ADAMTSL1: variants seen among roughly 807,000 people sequenced by gnomAD.
The protein encoded by ADAMTSL1 is ADAMTS like 1.
A neutral mutation model predicts 201.8 loss-of-function variants in ADAMTSL1; 126 were observed. The ratio of observed to expected loss-of-function variants is 0.62; its 90% CI spans 0.54 to 0.72. The LOEUF (loss-of-function observed/expected upper bound fraction) is 0.72. ADAMTSL1 is among the 30% of genes least tolerant of loss of function. The pLI is 0.00. For missense variants in ADAMTSL1, 2,679 were observed against 2,277.8 expected (o/e 1.18, Z -3.59); for synonymous variants, 1,121 against 903.4 (o/e 1.24, Z -4.32).
chr9:18,237,789 T>A (rs1481067449), intron 2 of ADAMTSL1, among the ~76,000 whole-genome samples: 1 of 152,250 alleles, frequency 6.6e-6, no homozygotes, highest in African/African-American at 2.4e-5. Context: ...AATTGTACAC[T>A]GTTTTCTTCC....
chr9:17,957,789 G>C (rs991245425), intron 1 of ADAMTSL1, among the ~76,000 whole-genome samples: 2 of 152,130 alleles, frequency 1.3e-5, no homozygotes, highest in Non-Finnish European at 1.5e-5. Context: ...TGTGAAAATG[G>C]AGGTGGAGAT....
chr9:18,065,514 T>G (rs1822654653), intron 1 of ADAMTSL1, among the ~76,000 whole-genome samples: 1 of 152,206 alleles, frequency 6.6e-6, no homozygotes, highest in Non-Finnish European at 1.5e-5. Context: ...AAAGTGAACT[T>G]TATATCACCA....
chr9:18,018,892 C>T (rs1390701426), intron 1 of ADAMTSL1, among the ~76,000 whole-genome samples: 1 of 151,890 alleles, frequency 6.6e-6, no homozygotes, highest in South Asian at 2.1e-4. Context: ...GGGAGCATTG[C>T]CATAACAAAT....
intron 1 of ADAMTSL1, among the ~76,000 whole-genome samples, chr9:18,123,641 T>C (rs965557600): frequency 1.3e-5 from 2 of 152,200 alleles, no homozygotes; most frequent in African/African-American, 4.8e-5. Context: ...GATTTCCCTA[T>C]TGTAAATGTA....
chr9:18,604,962 C>T (rs1273463931), intron 4 of ADAMTSL1, among the ~76,000 whole-genome samples: 1 of 152,204 alleles, frequency 6.6e-6, no homozygotes, highest in Non-Finnish European at 1.5e-5. Flanking sequence ...TACCCTTTAA[C>T]AGCTAGGACA....
chr9:18,166,027 G>C (rs980251593), intron 2 of ADAMTSL1, among the ~76,000 whole-genome samples: 8 of 151,874 alleles, frequency 5.3e-5, no homozygotes, highest in African/African-American at 1.9e-4. Flanking sequence ...AACCTTCCTG[G>C]TATAGGTCAC....
chr9:18,727,185 T>A (rs912267223), intron 15 of ADAMTSL1, among the ~76,000 whole-genome samples: 3 of 152,240 alleles, frequency 2.0e-5, no homozygotes, highest in Admixed American at 1.3e-4. Flanking sequence ...CATATTTTAA[T>A]TTATTTGATG....
intron 2 of ADAMTSL1, among the ~76,000 whole-genome samples, chr9:18,364,494 T>C (rs560735256): frequency 6.6e-6 from 1 of 152,158 alleles, no homozygotes; most frequent in African/African-American, 2.4e-5. Flanking sequence ...CAGAGAAAAC[T>C]CCAAGAGACA....
At chr9:18,676,743 T>C (rs1261142543) in intron 10 of ADAMTSL1, among the ~76,000 whole-genome samples, 1 of 152,086 alleles carries the variant, frequency 6.6e-6, no homozygotes, top group Non-Finnish European at 1.5e-5. Context: ...ACCAAGGGTT[T>C]ATATCAGATC....
At chr9:18,291,063 G>A (rs1833240083) in intron 2 of ADAMTSL1, among the ~76,000 whole-genome samples, 2 of 152,156 alleles carry the variant, frequency 1.3e-5, no homozygotes, top group African/African-American at 2.4e-5. Context: ...TTACAGGCGT[G>A]AGCCACCGCA....
intron 1 of ADAMTSL1, among the ~76,000 whole-genome samples, chr9:17,994,365 T>C (rs1458412545): frequency 6.6e-6 from 1 of 152,144 alleles, no homozygotes; most frequent in Non-Finnish European, 1.5e-5. Context: ...TCATAGATTG[T>C]AGAAAATGCT....
At position 18,892,411 on chromosome 9, in the gene ADAMTSL1, G is replaced by T. The variant is rs1829337856; in HGVS notation, c.4666G>T (p.Ala1556Ser). ...PSRWMVTSWS[A>S]CTRSCGGGVQ... ...CAGGTGGATGGTGACCTCCTGGTCT[G>T]CCTGTACCCGGAGCTGTGGGGGAGG... Residue 1556 changes from alanine to serine, a missense_variant, in exon 26 of 29, where the codon GCC becomes TCC. By Grantham distance (99) the Ala-to-Ser change is moderately conservative. Transcript: ENST00000380548. 1 of 1,613,342 alleles carries T rather than the reference G, an allele frequency of 6.2e-7. No homozygotes were observed.
chr9:18,904,799 G>A (rs1390860375), intron 26 of ADAMTSL1, among the ~76,000 whole-genome samples: 3 of 135,262 alleles, frequency 2.2e-5, no homozygotes, highest in African/African-American at 8.7e-5. Flanking sequence ...GTGTCAAACT[G>A]GGCCCTTCAG....
At position 18,047,037 on chromosome 9, in the gene ADAMTSL1, G is replaced by T. The variant is rs537929096; in HGVS notation, c.88-116825G>T. ...TAATGGAAGGCAGAAAAATGGCTTAGAAGATGACTACATAGGATAATGGGG... is the reference window on the plus strand; with the variant it reads ...TAATGGAAGGCAGAAAAATGGCTTATAAGATGACTACATAGGATAATGGGG... On this transcript the variant is annotated intron_variant, in intron 1 of 29. Transcript: ENST00000680146. 1.9e-4 allele frequency among the ~76,000 whole-genome samples: 29 copies of T among 152,212 alleles called. No individual in the cohort carries two copies. The South Asian group carries it at 5.8e-3, about 30-fold the overall frequency.
At chr9:18,509,504 A>G (rs1242240828) in intron 2 of ADAMTSL1, among the ~76,000 whole-genome samples, 5 of 152,188 alleles carry the variant, frequency 3.3e-5, no homozygotes, top group Non-Finnish European at 7.3e-5. Flanking sequence ...GCTCTGATGG[A>G]CTTTGATGGT....
rs1417640 is a variant in ADAMTSL1 at position 18,493,950 on chromosome 9, C to G, written c.64-10879C>G. On this transcript the variant is annotated intron_variant, in intron 1 of 28. Coordinates refer to ENST00000380548, the MANE Select transcript of ADAMTSL1 (RefSeq NM_001040272.6). ...AGAGGCATATTCATCTTTGTCACAG[C>G]TCTTAAGAAGCACACAGTCCACTTC... 9.0e-3 allele frequency among the ~76,000 whole-genome samples: 1,373 copies of G among 152,342 alleles called. 48 individuals are homozygous for G. The highest frequency in any genetic ancestry group is 0.075 in the East Asian group (388 of 5,178).
intron 1 of ADAMTSL1, among the ~76,000 whole-genome samples, chr9:17,946,011 C>A (rs1243383273): frequency 6.6e-6 from 1 of 151,164 alleles, no homozygotes; most frequent in Admixed American, 6.6e-5. Context: ...TGTGATTTTT[C>A]TGTATGTTCG....
chr9:17,999,756 C>T (rs1316719944), intron 1 of ADAMTSL1, among the ~76,000 whole-genome samples: 2 of 149,172 alleles, frequency 1.3e-5, no homozygotes, highest in African/African-American at 5.0e-5. Context: ...CCTCCCCGCT[C>T]CCCCCACCCC....
chr9:18,065,716 C>T (rs181617119), intron 1 of ADAMTSL1, among the ~76,000 whole-genome samples: 6 of 152,276 alleles, frequency 3.9e-5, no homozygotes, highest in Admixed American at 2.6e-4. Flanking sequence ...CGCGGTGGCT[C>T]ACGCCTGTAA....
Sources: gnomAD v4.1 joint callset for allele counts (sites outside exome capture counted in the v4.1 genomes callset) on GRCh38, gnomAD v4.1.1 for gene constraint, MANE v1.5 for transcripts, NCBI Gene and HGNC (gene_info 2026-07-23, HGNC 2026-07-21) for gene names.